Variants in NECAP2 observed in about 807,000 individuals in gnomAD.
The protein encoded by NECAP2 is NECAP endocytosis associated 2.
Under a neutral mutation model 37.8 loss-of-function variants are expected in NECAP2, and 38 were observed. The ratio of observed to expected loss-of-function variants is 1.01; its 90% CI spans 0.78 to 1.32. The LOEUF is 1.32. Among genes scored for constraint, NECAP2 ranks in the 40% most tolerant of loss-of-function variants. The pLI is 0.00. For synonymous variants in NECAP2, 121 were observed against 127.7 expected (o/e 0.95, Z 0.35); for missense variants, 316 against 334.5 (o/e 0.94, Z 0.43).
chr1:16,455,810 A>G lies in NECAP2; in HGVS notation c.668-8A>G. The G allele has an allele frequency of 6.2e-7, 1 of 1,613,076 alleles. No homozygotes were observed. Among genetic ancestry groups the G allele is most frequent in the Non-Finnish European group, 8.5e-7 (1 of 1,179,100 alleles). ...CTTCCTACGGGTCGGACTCGGGAACATCAATAGGAGGTGCTCCTGTACCCT... is the reference window on the plus strand; with the variant it reads ...CTTCCTACGGGTCGGACTCGGGAACGTCAATAGGAGGTGCTCCTGTACCCT... On this transcript the variant is annotated splice_polypyrimidine_tract_variant and splice_region_variant and intron_variant, in intron 6 of 7. Coordinates refer to ENST00000337132, the MANE Select transcript of NECAP2 (RefSeq NM_018090.5).
intron 7 of NECAP2, among the ~76,000 whole-genome samples, chr1:16,457,958 A>G (rs2086951229): frequency 6.6e-6 from 1 of 151,838 alleles, no homozygotes; most frequent in Admixed American, 6.6e-5. Flanking sequence ...CAGTCCGCCT[A>G]CCTCAGCCTC....
chr1:16,452,157 A>G, intron 6 of NECAP2, 142 bp downstream of exon 6: 1 of 878,860 alleles, frequency 1.1e-6, no homozygotes, highest in Non-Finnish European at 1.7e-6. Flanking sequence ...CGGGCACCCA[A>G]AGCTCATTCT....
In NECAP2 at chr1:16,443,564, C is replaced by A. The variant is rs1570253502; in HGVS notation, c.93-68C>A. 2.5e-6 allele frequency: 3 copies of A among 1,212,796 alleles called. No individual in the cohort carries two copies. In the East Asian group the frequency reaches 7.2e-5, roughly 29 times the overall value. The allele number at this position is 1,212,796 out of a possible 1,614,324, so 75.1% of individuals were successfully genotyped here. A position where few individuals can be genotyped will look rare whatever the true frequency, so the allele number is the denominator to read the frequency against. On this transcript the variant is annotated intron_variant, in intron 1 of 7. Transcript: ENST00000337132. Reference sequence around the variant, plus strand: ...CTTGGGCTAGAATAAGCAGCCCTTTCCATTCCCAGCATTGGGGTCACACAG... The same window carrying A: ...CTTGGGCTAGAATAAGCAGCCCTTTACATTCCCAGCATTGGGGTCACACAG...
intron 4 of NECAP2, 105 bp from the exon 5 acceptor site, chr1:16,448,988 C>T (rs769648014): frequency 1.8e-5 from 13 of 717,670 alleles, no homozygotes; most frequent in Middle Eastern, 2.5e-4. Context: ...CGTCTCACTA[C>T]GAGGCTCAGC....
At chr1:16,458,739 TG>T in intron 7 of NECAP2, 102 bp from the exon 8 acceptor site, 1 of 1,195,550 alleles carries the variant, frequency 8.4e-7, no homozygotes, top group Non-Finnish European at 1.2e-6. Context: ...ATTTAGGAAC[TG>T]GCTTCTTAGA....
At chr1:16,444,126 T>C (rs970680366) in intron 2 of NECAP2, among the ~76,000 whole-genome samples, 1 of 152,128 alleles carries the variant, frequency 6.6e-6, no homozygotes, top group African/African-American at 2.4e-5. Flanking sequence ...CAGCGGTAAC[T>C]CCCAGAGCTG....
chr1:16,457,204 C>T (rs958871191), intron 7 of NECAP2, among the ~76,000 whole-genome samples: 1 of 152,072 alleles, frequency 6.6e-6, no homozygotes, highest in Non-Finnish European at 1.5e-5. Flanking sequence ...GCCTGTAATC[C>T]CAGCACTTTG....
chr1:16,452,149 G>A (rs963077255), intron 6 of NECAP2, 134 bp downstream of exon 6: 1 of 943,292 alleles, frequency 1.1e-6, no homozygotes, highest in South Asian at 1.8e-5. Context: ...AAAGAAGGCG[G>A]GCACCCAAAG....
At chr1:16,454,583 C>T (rs2086892130) in intron 6 of NECAP2, among the ~76,000 whole-genome samples, 1 of 152,174 alleles carries the variant, frequency 6.6e-6, no homozygotes, top group Non-Finnish European at 1.5e-5. Flanking sequence ...TCTCGAACTC[C>T]TGACCTCAGG....
intron 7 of NECAP2, 80 bp from the exon 8 acceptor site, chr1:16,458,762 C>T: frequency 2.7e-6 from 4 of 1,480,280 alleles, no homozygotes; most frequent in Non-Finnish European, 3.7e-6. Flanking sequence ...CTTTTTCTGT[C>T]CAGAGAGAAA....
rs772717841 is a variant in NECAP2 at position 16,447,994 on chromosome 1, C to T, written c.298+20C>T. 1.2e-5 allele frequency: 20 copies of T among 1,613,404 alleles called. No homozygotes were observed. The Admixed American group carries it at 1.8e-4, about 15-fold the overall frequency. On this transcript the variant is annotated intron_variant, in intron 3 of 7. Transcript: ENST00000337132. ...GAAATGGTAGGCATGGGTCCTGGTG[C>T]TTCCTCCTCTTGGGAAAGGTTTTCT... is the stretch of plus-strand genomic sequence containing the variant.
At chr1:16,446,565 CTT>C (rs80041434) in intron 2 of NECAP2, among the ~76,000 whole-genome samples, 1 of 145,148 alleles carries the variant, frequency 6.9e-6, no homozygotes. Flanking sequence ...CTGTTTCTTT[CTT>C]TTTTTTTTTT....
intron 7 of NECAP2, among the ~76,000 whole-genome samples, chr1:16,457,724 T>C (rs1014899182): frequency 1.3e-4 from 20 of 150,392 alleles, no homozygotes; most frequent in African/African-American, 4.4e-4. Context: ...TTTTTTTTTT[T>C]TTTTTGAGAC....
chr1:16,449,331 G>T, intron 5 of NECAP2, 130 bp downstream of exon 5: 1 of 637,854 alleles, frequency 1.6e-6, no homozygotes, highest in South Asian at 2.0e-5. Context: ...CCTTGTGCCA[G>T]GTCCTGCATC....
At position 16,455,814 on chromosome 1, in the gene NECAP2, A is replaced by G. The variant is rs567207799; in HGVS notation, c.668-4A>G. Reference sequence around the variant, plus strand: ...CTACGGGTCGGACTCGGGAACATCAATAGGAGGTGCTCCTGTACCCTGGCC... The same window carrying G: ...CTACGGGTCGGACTCGGGAACATCAGTAGGAGGTGCTCCTGTACCCTGGCC... On this transcript the variant is annotated splice_polypyrimidine_tract_variant and splice_region_variant and intron_variant, in intron 6 of 7. Coordinates refer to ENST00000337132, the MANE Select transcript of NECAP2 (RefSeq NM_018090.5). 22 of 1,613,270 alleles carry G rather than the reference A, an allele frequency of 1.4e-5. No homozygotes were observed. Among genetic ancestry groups the G allele is most frequent in the African/African-American group, 8.0e-5 (6 of 75,010 alleles).
chr1:16,458,899 C>T lies in NECAP2; in HGVS notation c.*9C>T, dbSNP rs201012928. The T allele has an allele frequency of 7.6e-5, 122 of 1,614,076 alleles. No individual in the cohort carries two copies. In the African/African-American group the frequency reaches 1.1e-3, roughly 14 times the overall value. ...GCTGGGTCCAGTTCTGACCTGAGCACGGTTTTTCCTCATGTGACTTCTGGG... is the reference window on the plus strand; with the variant it reads ...GCTGGGTCCAGTTCTGACCTGAGCATGGTTTTTCCTCATGTGACTTCTGGG... On this transcript the variant is annotated 3_prime_UTR_variant, in exon 8 of 8. Coordinates refer to ENST00000337132, the MANE Select transcript of NECAP2 (RefSeq NM_018090.5).
At position 16,459,020 on chromosome 1, in the gene NECAP2, G is replaced by C. The variant is rs367756521; in HGVS notation, c.*130G>C. On this transcript the variant is annotated 3_prime_UTR_variant, in exon 8 of 8. Coordinates refer to ENST00000337132, the MANE Select transcript of NECAP2 (RefSeq NM_018090.5). ...GAATCTCTCCTCTCCTCCTTGTCTGGCTCTGTTGACAAACCGGGCATGTTT... is the reference window on the plus strand; with the variant it reads ...GAATCTCTCCTCTCCTCCTTGTCTGCCTCTGTTGACAAACCGGGCATGTTT... The C allele has an allele frequency of 3.9e-5, 61 of 1,559,304 alleles. No individual in the cohort carries two copies. The African/African-American group carries it at 5.5e-4, about 14-fold the overall frequency.
chr1:16,455,724 G>A, intron 6 of NECAP2, 94 bp from the exon 7 acceptor site: 1 of 972,724 alleles, frequency 1.0e-6, no homozygotes, highest in Non-Finnish European at 1.7e-6. Flanking sequence ...TGATCACTGA[G>A]TCTCATGATT....
intron 6 of NECAP2, 70 bp from the exon 7 acceptor site, chr1:16,455,748 A>G: frequency 7.8e-7 from 1 of 1,280,118 alleles, no homozygotes; most frequent in Non-Finnish European, 1.1e-6. Flanking sequence ...TCATTGAAAC[A>G]ACCAGAAAGG....
Sources: gnomAD v4.1 joint callset for allele counts (sites outside exome capture counted in the v4.1 genomes callset) on GRCh38, gnomAD v4.1.1 for gene constraint, MANE v1.5 for transcripts, NCBI Gene and HGNC (gene_info 2026-07-23, HGNC 2026-07-21) for gene names.